The following ACTG2 variants were observed in gnomAD, a reference collection of about 807,000 sequenced individuals.
ACTG2 encodes actin, gamma-enteric smooth muscle.
A neutral mutation model predicts 37.6 loss-of-function variants in ACTG2; 16 were observed. That is an observed-to-expected ratio of 0.43 (90% CI 0.29 to 0.65). ACTG2 has a LOEUF of 0.65. Ranked by LOEUF, ACTG2 falls within the 30% of genes least tolerant of loss-of-function variation. ACTG2 has a pLI of 0.18. For missense variants in ACTG2, 238 were observed against 490.9 expected (o/e 0.48, Z 4.87); for synonymous variants, 181 against 179.9 (o/e 1.01, Z -0.05).
At position 73,893,048 on chromosome 2, in the gene ACTG2, C is replaced by T. The variant is rs1023750007; in HGVS notation, c.-40C>T. The T allele has an allele frequency of 3.3e-5, 5 of 152,306 alleles. No individual in the cohort carries two copies. Among genetic ancestry groups the T allele is most frequent in the Admixed American group, 1.3e-4 (2 of 15,276 alleles). The allele number at this position is 152,306 out of a possible 1,614,324, so 9.4% of individuals were successfully genotyped here. ...CACTGGGAGAAGAACCTCTCATACC[C>T]TCGGTAAGTACTGTACGGCTTTTGC... On this transcript the variant is annotated 5_prime_UTR_variant, in exon 1 of 9. Coordinates refer to ENST00000345517, the MANE Select transcript of ACTG2 (RefSeq NM_001615.4).
chr2:73,911,848 A>G (rs1313705415), intron 5 of ACTG2, among the ~76,000 whole-genome samples: 1 of 152,234 alleles, frequency 6.6e-6, no homozygotes, highest in Non-Finnish European at 1.5e-5. Flanking sequence ...ATCTCAAAAT[A>G]AAATGGTCTT....
chr2:73,905,347 G>A (rs892498695), intron 3 of ACTG2, among the ~76,000 whole-genome samples: 8 of 152,026 alleles, frequency 5.3e-5, no homozygotes, highest in Non-Finnish European at 7.4e-5. Flanking sequence ...TTAAAAAATC[G>A]TAACTTTTAA....
chr2:73,894,850 C>G (rs1182496840), intron 1 of ACTG2, among the ~76,000 whole-genome samples: 1 of 152,096 alleles, frequency 6.6e-6, no homozygotes, highest in African/African-American at 2.4e-5. Flanking sequence ...GTCCGCAGGG[C>G]TGGATTACAA....
intron 3 of ACTG2, among the ~76,000 whole-genome samples, chr2:73,907,771 C>T (rs1359340390): frequency 6.6e-6 from 1 of 152,202 alleles, no homozygotes; most frequent in African/African-American, 2.4e-5. Context: ...TTTTTATTGT[C>T]ACAACTGGAA....
At chr2:73,911,969 A>C (rs187700620) in intron 5 of ACTG2, among the ~76,000 whole-genome samples, 1 of 152,332 alleles carries the variant, frequency 6.6e-6, no homozygotes, top group Non-Finnish European at 1.5e-5. Flanking sequence ...ACTCCCTACA[A>C]TGTGCCAAAC....
intron 3 of ACTG2, among the ~76,000 whole-genome samples, chr2:73,903,486 A>C (rs1423537436): frequency 1.1e-4 from 17 of 152,238 alleles, no homozygotes; most frequent in Admixed American, 1.1e-3. Context: ...TATAAGTCTT[A>C]GTTTTCCCAT....
intron 2 of ACTG2, 114 bp from the exon 3 acceptor site, chr2:73,902,246 G>A: frequency 1.6e-6 from 2 of 1,268,200 alleles, no homozygotes; most frequent in Non-Finnish European, 2.2e-6. Flanking sequence ...GTTTCTGGGG[G>A]AAGAAAGGCT....
At chr2:73,910,082 T>A (rs1680097306) in intron 5 of ACTG2, among the ~76,000 whole-genome samples, 1 of 151,922 alleles carries the variant, frequency 6.6e-6, no homozygotes, top group Middle Eastern at 3.4e-3. Context: ...GGACGTGGTG[T>A]CAGGCACCTG....
intron 6 of ACTG2, 41 bp from the exon 7 acceptor site, chr2:73,914,639 A>G (rs1367344886): frequency 4.9e-6 from 7 of 1,442,018 alleles, no homozygotes; most frequent in Admixed American, 2.3e-5. Context: ...CCAAACTATC[A>G]GAGCTCAGTA....
At chr2:73,893,215 G>A (rs972581902) in intron 1 of ACTG2, among the ~76,000 whole-genome samples, 164 bp downstream of exon 1, 6 of 152,232 alleles carry the variant, frequency 3.9e-5, no homozygotes, top group African/African-American at 1.2e-4. Flanking sequence ...GCAGCCTGCT[G>A]AGAAAAGGCG....
chr2:73,916,819 C>T (rs1464985970), intron 8 of ACTG2, 54 bp downstream of exon 8: 1 of 1,571,054 alleles, frequency 6.4e-7, no homozygotes, highest in Non-Finnish European at 8.7e-7. Context: ...GTCTTGCCTA[C>T]CTGGGAGTTC....
intron 4 of ACTG2, 100 bp from the exon 5 acceptor site, chr2:73,908,954 TG>T: frequency 1.5e-6 from 2 of 1,319,294 alleles, no homozygotes; most frequent in Non-Finnish European, 2.2e-6. Flanking sequence ...ACTATCAAAC[TG>T]GCATAGTTCC....
chr2:73,914,829 C>T lies in ACTG2; in HGVS notation c.763C>T (p.Arg255Cys), dbSNP rs765884368. The T allele has an allele frequency of 3.7e-6, 6 of 1,604,680 alleles. No homozygotes were observed. Among genetic ancestry groups the T allele is most frequent in the Non-Finnish European group, 5.1e-6 (6 of 1,173,596 alleles). ...DGQVITIGNE[R>C]FRCPETLFQP... is the part of the protein sequence containing the mutation. ...GCAGGTTATCACCATTGGCAATGAG[C>T]GCTTCCGCTGCCCTGAGACCCTCTT... Residue 255 changes from arginine to cysteine, a missense_variant, in exon 7 of 9, where the codon CGC becomes TGC. Arg to Cys is a radical substitution (Grantham distance 180). Transcript: ENST00000345517.
Position 73,919,524 on chromosome 2 carries a change from G to A in ACTG2, c.1080G>A (p.Lys360=), listed in dbSNP as rs1318878126. 1.2e-6 allele frequency: 2 copies of A among 1,614,052 alleles called. No homozygotes were observed. The highest frequency in any genetic ancestry group is 2.7e-5 in the African/African-American group (2 of 74,922). The change falls in exon 9 of 9, where the codon AAG becomes AAA. Residue 360 remains lysine (K), a synonymous_variant. Coordinates refer to ENST00000345517, the MANE Select transcript of ACTG2 (RefSeq NM_001615.4). Reference sequence around the variant, plus strand: ...CCTTCCAGCAGATGTGGATCAGCAAGCCTGAGTATGATGAGGCAGGGCCCT... The same window carrying A: ...CCTTCCAGCAGATGTGGATCAGCAAACCTGAGTATGATGAGGCAGGGCCCT... ...LSTFQQMWIS[K]PEYDEAGPSI... is the part of the protein sequence containing the mutation.
intron 1 of ACTG2, among the ~76,000 whole-genome samples, chr2:73,900,076 G>A (rs577981354): frequency 1.3e-5 from 2 of 152,318 alleles, no homozygotes; most frequent in African/African-American, 4.8e-5. Context: ...CTGGGGCCAA[G>A]GGTCACAGGT....
chr2:73,903,949 A>AC (rs1157545269), intron 3 of ACTG2, among the ~76,000 whole-genome samples: 2 of 97,056 alleles, frequency 2.1e-5, no homozygotes, highest in African/African-American at 4.0e-5. Flanking sequence ...CAAAAAAAAA[A>AC]AAAAAAAAAA....
At chr2:73,893,624 G>T (rs1679678098) in intron 1 of ACTG2, among the ~76,000 whole-genome samples, 1 of 152,126 alleles carries the variant, frequency 6.6e-6, no homozygotes, top group Non-Finnish European at 1.5e-5. Context: ...GGATCATTGG[G>T]GGATGGAGAA....
intron 3 of ACTG2, among the ~76,000 whole-genome samples, chr2:73,904,392 C>T (rs1031479012): frequency 6.6e-6 from 1 of 151,754 alleles, no homozygotes; most frequent in African/African-American, 2.4e-5. Context: ...TGCCTTAAGG[C>T]CGGGCACAGT....
Position 73,893,964 on chromosome 2 carries a change from C to G in ACTG2, c.-37+913C>G, listed in dbSNP as rs553924295. ...CTTGAAGGCAGACTGTCAGGCTAACCAAGTTACTGAGCGACCTCAGCTTCC... is the reference window on the plus strand; with the variant it reads ...CTTGAAGGCAGACTGTCAGGCTAACGAAGTTACTGAGCGACCTCAGCTTCC... On this transcript the variant is annotated intron_variant, in intron 1 of 8. Coordinates refer to ENST00000345517, the MANE Select transcript of ACTG2 (RefSeq NM_001615.4). Among the ~76,000 whole-genome samples the G allele has an allele frequency of 3.9e-5, 6 of 152,260 alleles. No individual in the cohort carries two copies. In the South Asian group the frequency reaches 1.2e-3, roughly 32 times the overall value.
Sources: gnomAD v4.1 joint callset for allele counts (sites outside exome capture counted in the v4.1 genomes callset) on GRCh38, gnomAD v4.1.1 for gene constraint, MANE v1.5 for transcripts, NCBI Gene and HGNC (gene_info 2026-07-23, HGNC 2026-07-21) for gene names.